The following SMCO2 variants were observed in gnomAD, a reference collection of about 807,000 sequenced individuals.
The protein encoded by SMCO2 is single-pass membrane protein with coiled-coil domains 2, also known as single-pass membrane and coiled-coil domain-containing protein 2.
Under a neutral mutation model 29.5 loss-of-function variants are expected in SMCO2, and 25 were observed. That is an observed-to-expected ratio of 0.85 (90% confidence interval 0.62 to 1.18). The LOEUF (loss-of-function observed/expected upper bound fraction) is 1.18, where lower values mean the gene tolerates loss of function less well. Ranked by LOEUF, SMCO2 falls within the 50% of genes most tolerant of loss-of-function variation. SMCO2 has a pLI of 0.00. For synonymous variants in SMCO2, 117 were observed against 123.3 expected, an observed-to-expected ratio of 0.95 and a Z score of 0.34; for missense variants, 348 against 344.5, an observed-to-expected ratio of 1.01 and a Z score of -0.08.
At chr12:27,465,028 C>CA (rs35630976), upstream of SMCO2, among the ~76,000 whole-genome samples, 6,238 of 59,562 alleles carry the variant, frequency 0.1, 333 homozygotes, top group Non-Finnish European at 0.15. Flanking sequence ...GACCCTGTCT[C>CA]AAAAAAAAAA....
At chr12:27,450,376 A>C in the SMCO2 span, among the ~76,000 whole-genome samples, 2 of 142,992 alleles carry the variant, frequency 1.4e-5, no homozygotes, top group Non-Finnish European at 3.0e-5. Flanking sequence ...TCTGATGCCC[A>C]GTTTCCACTG....
At chr12:27,493,906 A>ACATT (rs991475425) in intron 5 of SMCO2, 2 of 152,938 alleles carry the variant, frequency 1.3e-5, no homozygotes, top group African/African-American at 4.8e-5. Flanking sequence ...ATAATGACTT[A>ACATT]CATTCATAAA....
intron 6 of SMCO2, 65 bp downstream of exon 7, chr12:27,494,421 G>T (rs1942970864): frequency 1.8e-6 from 2 of 1,113,010 alleles, no homozygotes; most frequent in Admixed American, 2.9e-5. Context: ...AAATACAGGG[G>T]TCATTCATTG....
At chr12:27,438,176 A>T in the SMCO2 span, among the ~76,000 whole-genome samples, 3 of 152,000 alleles carry the variant, frequency 2.0e-5, no homozygotes, top group South Asian at 6.2e-4. Context: ...CCCTTTCTTG[A>T]ATCTTCCTCC....
At chr12:27,495,550 T>C in intron 6 of SMCO2, 130 bp from the exon 8 acceptor site, 1 of 762,098 alleles carries the variant, frequency 1.3e-6, no homozygotes. Context: ...GATCTGTTCA[T>C]GGGACCTATG....
the SMCO2 span, among the ~76,000 whole-genome samples, chr12:27,428,738 CA>C: frequency 6.6e-6 from 1 of 150,606 alleles, no homozygotes; most frequent in Admixed American, 6.6e-5. Context: ...GACTTTAAGG[CA>C]ATGCTTCTCA....
the SMCO2 span, among the ~76,000 whole-genome samples, chr12:27,449,269 T>A: frequency 6.6e-6 from 1 of 152,222 alleles, no homozygotes. Context: ...CCAAACGAAA[T>A]ACTTGCTCTG....
chr12:27,443,173 A>C, the SMCO2 span, among the ~76,000 whole-genome samples: 1 of 152,252 alleles, frequency 6.6e-6, no homozygotes, highest in Non-Finnish European at 1.5e-5. Context: ...ACCATGATCA[A>C]GTGGGATTCA....
intron 6 of SMCO2, 70 bp downstream of exon 7, chr12:27,494,426 T>C (rs192604931): frequency 1.9e-6 from 2 of 1,058,890 alleles, no homozygotes; most frequent in East Asian, 3.1e-5. Flanking sequence ...CAGGGGTCAT[T>C]CATTGCCTAG....
the SMCO2 span, among the ~76,000 whole-genome samples, chr12:27,452,827 G>GC: frequency 6.6e-6 from 1 of 152,146 alleles, no homozygotes; most frequent in Non-Finnish European, 1.5e-5. Flanking sequence ...TTGGGGAGAT[G>GC]CCCAGTAGTG....
At chr12:27,480,990 G>A (rs572875892) in intron 4 of SMCO2, among the ~76,000 whole-genome samples, 2 of 152,200 alleles carry the variant, frequency 1.3e-5, no homozygotes, top group Admixed American at 1.3e-4. Flanking sequence ...TTGTCCTTGG[G>A]GCAGCCTTCC....
At chr12:27,497,244 G>C (rs990039685) in intron 7 of SMCO2, 1 of 152,300 alleles carries the variant, frequency 6.6e-6, no homozygotes, top group African/African-American at 2.5e-5. Context: ...ATAAAAACTT[G>C]AAAGTTTATC....
chr12:27,449,871 C>A, the SMCO2 span, among the ~76,000 whole-genome samples: 3 of 152,284 alleles, frequency 2.0e-5, no homozygotes, highest in East Asian at 5.8e-4. Flanking sequence ...GGCTTTAATG[C>A]CTGGCTACGT....
intron 4 of SMCO2, among the ~76,000 whole-genome samples, chr12:27,476,715 T>C (rs1949589405): frequency 6.6e-6 from 1 of 151,976 alleles, no homozygotes; most frequent in African/African-American, 2.4e-5. Flanking sequence ...ATTTTTTCAA[T>C]TTCTTCACTT....
At chr12:27,460,062 CTA>C in the SMCO2 span, among the ~76,000 whole-genome samples, 1 of 152,222 alleles carries the variant, frequency 6.6e-6, no homozygotes, top group African/African-American at 2.4e-5. Context: ...TTAATTTTAA[CTA>C]TTTTTAAAAT....
chr12:27,493,395 G>A (rs574140635), intron 5 of SMCO2, among the ~76,000 whole-genome samples: 1 of 152,218 alleles, frequency 6.6e-6, no homozygotes, highest in South Asian at 2.1e-4. Context: ...AGCTGGGCAT[G>A]GTGGCACATG....
At chr12:27,483,344 A>G (rs1028614060) in intron 4 of SMCO2, among the ~76,000 whole-genome samples, 1 of 152,142 alleles carries the variant, frequency 6.6e-6, no homozygotes, top group Non-Finnish European at 1.5e-5. Flanking sequence ...TTTTAGTTGC[A>G]TGAATGTTAG....
At chr12:27,475,131 A>G (rs1010095053) in intron 4 of SMCO2, among the ~76,000 whole-genome samples, 3 of 152,160 alleles carry the variant, frequency 2.0e-5, no homozygotes, top group Admixed American at 1.3e-4. Context: ...AAAAAGAAAG[A>G]GCAAACTCTT....
At chr12:27,469,926 C>T (rs1181851780) in intron 1 of SMCO2, among the ~76,000 whole-genome samples, 1 of 152,168 alleles carries the variant, frequency 6.6e-6, no homozygotes, top group African/African-American at 2.4e-5. Flanking sequence ...TTAGTTAAAC[C>T]TTTAGGAAAG....
Sources: gnomAD v4.1 joint callset for allele counts (sites outside exome capture counted in the v4.1 genomes callset) on GRCh38, gnomAD v4.1.1 for gene constraint, MANE v1.5 for transcripts, NCBI Gene and HGNC (gene_info 2026-07-23, HGNC 2026-07-21) for gene names.